The following KCTD16 variants were observed in gnomAD, a reference collection of about 807,000 sequenced individuals.
KCTD16 encodes the protein potassium channel tetramerization domain containing 16, also known as BTB/POZ domain-containing protein KCTD16.
In KCTD16, 13 loss-of-function variants were observed where a neutral mutation model predicts 33.2. The observed-to-expected ratio is 0.39, with a 90% CI of 0.25 to 0.62. KCTD16 has a LOEUF of 0.62. Ranked by LOEUF, KCTD16 falls within the 20% of genes least tolerant of loss-of-function variation. KCTD16 has a pLI of 0.50. For missense variants in KCTD16, 441 were observed against 525.1 expected (o/e 0.84, Z 1.57); for synonymous variants, 197 against 195.3 (o/e 1.01, Z -0.07).
chr5:144,257,961 C>T (rs1193296109), intron 3 of KCTD16, among the ~76,000 whole-genome samples: 1 of 152,138 alleles, frequency 6.6e-6, no homozygotes, highest in East Asian at 1.9e-4. Context: ...GGATATTTCT[C>T]CCTGGACAAT....
intron 3 of KCTD16, among the ~76,000 whole-genome samples, chr5:144,337,021 T>G (rs1288893540): frequency 2.0e-5 from 3 of 151,406 alleles, no homozygotes; most frequent in Non-Finnish European, 4.4e-5. Flanking sequence ...TTTGCTATAT[T>G]AACATACTGT....
At chr5:144,224,426 G>A (rs1030877473) in intron 3 of KCTD16, among the ~76,000 whole-genome samples, 4 of 121,602 alleles carry the variant, frequency 3.3e-5, no homozygotes, top group Non-Finnish European at 6.5e-5. Context: ...CTCAGAAACT[G>A]TGGTAAAATA....
intron 3 of KCTD16, among the ~76,000 whole-genome samples, chr5:144,274,972 G>C (rs552634898): frequency 2.2e-4 from 33 of 152,172 alleles, no homozygotes. Context: ...CTTTAAAGGT[G>C]GCCCTTCCTC....
At chr5:144,319,422 C>T (rs1223212896) in intron 3 of KCTD16, among the ~76,000 whole-genome samples, 3 of 152,134 alleles carry the variant, frequency 2.0e-5, no homozygotes, top group Non-Finnish European at 4.4e-5. Context: ...ATTTCCATTT[C>T]CACCTAGCTT....
chr5:144,259,040 C>T (rs1251226922), intron 3 of KCTD16, among the ~76,000 whole-genome samples: 1 of 151,948 alleles, frequency 6.6e-6, no homozygotes, highest in Non-Finnish European at 1.5e-5. Flanking sequence ...GGGCAGATCA[C>T]GAGGTTAGGA....
intron 3 of KCTD16, among the ~76,000 whole-genome samples, chr5:144,347,055 G>A (rs1225043691): frequency 6.6e-6 from 1 of 152,052 alleles, no homozygotes; most frequent in Non-Finnish European, 1.5e-5. Flanking sequence ...TAGGGGTCTA[G>A]TGTTATTCTT....
chr5:144,349,007 G>A (rs1164558755), intron 3 of KCTD16, among the ~76,000 whole-genome samples: 1 of 152,090 alleles, frequency 6.6e-6, no homozygotes, highest in Non-Finnish European at 1.5e-5. Context: ...TCAGTTTTTT[G>A]CTTTCAAAGC....
intron 3 of KCTD16, among the ~76,000 whole-genome samples, chr5:144,454,272 A>G (rs1472521707): frequency 6.6e-6 from 1 of 152,174 alleles, no homozygotes; most frequent in Non-Finnish European, 1.5e-5. Context: ...AACCTTCCAT[A>G]TCTCTCATAA....
chr5:144,417,611 G>A (rs1225121038), intron 3 of KCTD16, among the ~76,000 whole-genome samples: 2 of 151,954 alleles, frequency 1.3e-5, no homozygotes, highest in African/African-American at 2.4e-5. Context: ...TTAAATTTTT[G>A]ATGAGATACA....
At chr5:144,451,061 G>T (rs897499679) in intron 3 of KCTD16, among the ~76,000 whole-genome samples, 1 of 152,040 alleles carries the variant, frequency 6.6e-6, no homozygotes, top group Non-Finnish European at 1.5e-5. Flanking sequence ...GGTAGCATAC[G>T]TTAAATATGC....
intron 2 of KCTD16, among the ~76,000 whole-genome samples, chr5:144,200,147 G>T (rs1408342507): frequency 7.2e-6 from 1 of 138,782 alleles, no homozygotes; most frequent in Non-Finnish European, 1.5e-5. Flanking sequence ...TTTTTTTTCA[G>T]AGTAGCATAA....
chr5:144,323,754 G>T (rs957033873), intron 3 of KCTD16, among the ~76,000 whole-genome samples: 21 of 152,240 alleles, frequency 1.4e-4, no homozygotes, highest in Non-Finnish European at 2.6e-4. Flanking sequence ...CATATAGAAA[G>T]ATTTTCTTCC....
At chr5:144,212,840 A>G (rs1158228753) in intron 3 of KCTD16, among the ~76,000 whole-genome samples, 1 of 152,146 alleles carries the variant, frequency 6.6e-6, no homozygotes, top group East Asian at 1.9e-4. Flanking sequence ...TAATGGCATA[A>G]TGAACTTTCA....
At chr5:144,440,090 G>A (rs981922271) in intron 3 of KCTD16, among the ~76,000 whole-genome samples, 1 of 152,078 alleles carries the variant, frequency 6.6e-6, no homozygotes, top group Non-Finnish European at 1.5e-5. Context: ...ATAGAACTCG[G>A]TTAGACATTC....
At chr5:144,256,341 T>A (rs1754847172) in intron 3 of KCTD16, among the ~76,000 whole-genome samples, 1 of 152,204 alleles carries the variant, frequency 6.6e-6, no homozygotes, top group South Asian at 2.1e-4. Context: ...CTATAAACAC[T>A]GTGACTTCAG....
At chr5:144,348,601 T>C (rs1032056067) in intron 3 of KCTD16, among the ~76,000 whole-genome samples, 7 of 152,240 alleles carry the variant, frequency 4.6e-5, no homozygotes, top group East Asian at 1.9e-4. Flanking sequence ...TGAGAAGCCC[T>C]GTAGCTTCTC....
chr5:144,457,204 C>T (rs1028960320), intron 3 of KCTD16, among the ~76,000 whole-genome samples: 4 of 152,244 alleles, frequency 2.6e-5, no homozygotes, highest in African/African-American at 9.6e-5. Flanking sequence ...GTGGCCCTTA[C>T]ATGCCAAATA....
chr5:144,416,052 A>G (rs959537336), intron 3 of KCTD16, among the ~76,000 whole-genome samples: 3 of 152,176 alleles, frequency 2.0e-5, no homozygotes, highest in Admixed American at 6.5e-5. Context: ...TTCATTGACC[A>G]TATACTATAT....
intron 2 of KCTD16, among the ~76,000 whole-genome samples, chr5:144,192,141 T>C (rs990385988): frequency 4.4e-4 from 67 of 152,246 alleles, no homozygotes; most frequent in African/African-American, 1.5e-3. Flanking sequence ...TGGGACTCAG[T>C]TGAGGATGCT....
Sources: gnomAD v4.1 joint callset for allele counts (sites outside exome capture counted in the v4.1 genomes callset) on GRCh38, gnomAD v4.1.1 for gene constraint, MANE v1.5 for transcripts, NCBI Gene and HGNC (gene_info 2026-07-23, HGNC 2026-07-21) for gene names.